The following PAFAH1B3 variants were observed in gnomAD, a reference collection of about 807,000 sequenced individuals.
PAFAH1B3 encodes platelet activating factor acetylhydrolase 1b catalytic subunit 3, also known as platelet-activating factor acetylhydrolase IB subunit alpha1.
In PAFAH1B3, 15 loss-of-function variants were observed where a neutral mutation model predicts 24.4. The ratio of observed to expected loss-of-function variants is 0.62; its 90% CI spans 0.41 to 0.95. PAFAH1B3 has a LOEUF of 0.95. PAFAH1B3 is among the 40% of genes least tolerant of loss of function. The pLI, the probability that PAFAH1B3 is intolerant of heterozygous loss-of-function variation, is 0.00. For synonymous variants in PAFAH1B3, 144 were observed against 126.5 expected, an observed-to-expected ratio of 1.14 and a Z score of -0.93; for missense variants, 266 against 312.2, an observed-to-expected ratio of 0.85 and a Z score of 1.12.
intron 4 of PAFAH1B3, 149 bp downstream of exon 4, chr19:42,299,821 T>G (rs1484025415): frequency 2.0e-6 from 2 of 1,007,584 alleles, no homozygotes; most frequent in Non-Finnish European, 3.0e-6. Flanking sequence ...CCACAGCCAC[T>G]CTGAAGGGTA....
intron 2 of PAFAH1B3, 147 bp from the exon 3 acceptor site, chr19:42,300,434 GCAAA>G: frequency 1.5e-6 from 1 of 647,178 alleles, no homozygotes; most frequent in Non-Finnish European, 2.8e-6. Context: ...TTTACCTGGA[GCAAA>G]CTCCAGCATG....
chr19:42,297,475 T>C (rs2038548266), intron 4 of PAFAH1B3, 110 bp from the exon 5 acceptor site: 1 of 457,648 alleles, frequency 2.2e-6, no homozygotes, highest in Non-Finnish European at 3.8e-6. Context: ...CAGAAAACAC[T>C]AGGGATGGGC....
chr19:42,300,179 G>T lies in PAFAH1B3; in HGVS notation c.277C>A (p.Arg93=). ...RLENGELEHI[R]PKIVVVWVGT... Reference sequence around the variant, plus strand: ...ACCCAAGCCCCGCTCACCTTGGGCCGGATGTGTTCCAGCTCCCCATTCTCC... The same window carrying T: ...ACCCAAGCCCCGCTCACCTTGGGCCTGATGTGTTCCAGCTCCCCATTCTCC... Residue 93 remains arginine, a synonymous_variant, in exon 3 of 5, where the codon CGG becomes AGG. Transcript: ENST00000262890. The T allele has an allele frequency of 6.2e-7, 1 of 1,614,196 alleles. No individual in the cohort carries two copies. Among genetic ancestry groups the T allele is most frequent in the Non-Finnish European group, 8.5e-7 (1 of 1,180,034 alleles).
At chr19:42,299,748 C>G (rs929642265) in intron 4 of PAFAH1B3, among the ~76,000 whole-genome samples, 4 of 152,030 alleles carry the variant, frequency 2.6e-5, no homozygotes, top group African/African-American at 9.7e-5. Context: ...TTTTTCAATA[C>G]CCCCAAAGTC....
Position 42,297,243 on chromosome 19 carries a change from GC to G in PAFAH1B3, c.530del (p.Gly177AlafsTer20). The stretch of plus-strand genomic sequence containing the variant: ...TGATGGTGCCATCTGAGTGCACAAA[GC>G]CAGGGTCGGCATCTAGGAAGTGGGC... ...PRAHFLDADP[G>X]FVHSDGTISH... On this transcript the variant is annotated frameshift_variant, in exon 5 of 5. Coordinates refer to ENST00000262890, the MANE Select transcript of PAFAH1B3 (RefSeq NM_002573.4). LOFTEE classifies it high-confidence loss of function. The G allele has an allele frequency of 6.2e-7, 1 of 1,614,140 alleles. No homozygotes were observed. Among genetic ancestry groups the G allele is most frequent in the Non-Finnish European group, 8.5e-7 (1 of 1,180,030 alleles).
intron 1 of PAFAH1B3, 33 bp downstream of exon 1, chr19:42,302,199 G>C (rs1345549280): frequency 6.4e-7 from 1 of 1,557,506 alleles, no homozygotes; most frequent in Non-Finnish European, 8.7e-7. Flanking sequence ...CCGCGCCCCC[G>C]GACTCCTCAA....
chr19:42,302,337 GCGAGTCGGGT>G lies in PAFAH1B3; in HGVS notation c.-38_-29del. ...TGGCGCCGCAGCTCCTGCAGGATGAGCGAGTCGGGTCGGCCCGGGAGTGTTCCGAACGGAG... is the reference window on the plus strand; with the variant it reads ...TGGCGCCGCAGCTCCTGCAGGATGAGCGGCCCGGGAGTGTTCCGAACGGAG... On this transcript the variant is annotated 5_prime_UTR_variant, in exon 1 of 5. Transcript: ENST00000262890. The G allele has an allele frequency of 6.4e-7, 1 of 1,573,318 alleles. No homozygotes were observed. Among genetic ancestry groups the G allele is most frequent in the Non-Finnish European group, 8.6e-7 (1 of 1,161,590 alleles).
Position 42,299,267 on chromosome 19 carries a change from C to T in PAFAH1B3, c.408+703G>A, listed in dbSNP as rs865905091. Among the ~76,000 whole-genome samples the T allele has an allele frequency of 8.5e-5, 13 of 152,224 alleles. No homozygotes were observed. In the Middle Eastern group the frequency reaches 0.017, roughly 199 times the overall value. ...AAGTAGCTGGGATTATAGGCATGTG[C>T]CACCACGCCCAGCTAATTTTGTATT... On this transcript the variant is annotated intron_variant, in intron 4 of 4. Coordinates refer to ENST00000262890, the MANE Select transcript of PAFAH1B3 (RefSeq NM_002573.4).
intron 4 of PAFAH1B3, among the ~76,000 whole-genome samples, chr19:42,298,122 T>C (rs904586934): frequency 2.6e-5 from 4 of 152,012 alleles, no homozygotes; most frequent in Non-Finnish European, 4.4e-5. Flanking sequence ...ACTTGAGCCC[T>C]GGAAGCAGAA....
rs1043818 is a variant in PAFAH1B3, at chr19:42,297,134, G to A, written c.640C>T (p.Arg214Cys). Residue 214 changes from arginine (R) to cysteine (C), a missense_variant, in exon 5 of 5, where the codon CGT becomes TGT. Coordinates refer to ENST00000262890, the MANE Select transcript of PAFAH1B3 (RefSeq NM_002573.4). Reference sequence around the variant, plus strand: ...TGGCCCTGGTCTTGGGCCAGCAGACGCAGAAGCAGGGAGTGCAGAGCCCGG... The same window carrying A: ...TGGCCCTGGTCTTGGGCCAGCAGACACAGAAGCAGGGAGTGCAGAGCCCGG... ...VCRALHSLLL[R>C]LLAQDQGQGA... The A allele has an allele frequency of 1.3e-5, 21 of 1,612,438 alleles. No homozygotes were observed. Among genetic ancestry groups the A allele is most frequent in the East Asian group, 1.1e-4 (5 of 44,826 alleles).
chr19:42,297,498 TG>T lies in PAFAH1B3; in HGVS notation c.409-134del. ...ACTAGGGATGGGCAAGTGGGGAGGGTGGGAGGGTAGTTCCTAAATATCACAT... is the reference window on the plus strand; with the variant it reads ...ACTAGGGATGGGCAAGTGGGGAGGGTGGAGGGTAGTTCCTAAATATCACAT... On this transcript the variant is annotated intron_variant, in intron 4 of 4. Coordinates refer to ENST00000262890, the MANE Select transcript of PAFAH1B3 (RefSeq NM_002573.4). 2 of 91,332 alleles carry T rather than the reference TG, an allele frequency of 2.2e-5. 1 individual carries two copies. The allele number at this position is 91,332 out of a possible 1,614,324, so 5.7% of individuals were successfully genotyped here.
Position 42,301,822 on chromosome 19 carries a change from C to G in PAFAH1B3, c.168+128G>C, listed in dbSNP as rs183338384. On this transcript the variant is annotated intron_variant, in intron 2 of 4. Transcript: ENST00000262890. ...ATGTTGCACCTTACACCAAGATTCT[C>G]AGAGCCTCGGGCTGCCTGAGGCCAA... The G allele has an allele frequency of 6.8e-5, 45 of 666,580 alleles. No individual in the cohort carries two copies. The African/African-American group carries it at 6.8e-4, about 10-fold the overall frequency. 41.3% of individuals were successfully genotyped at this position (666,580 alleles called of 1,614,324 possible).
chr19:42,299,928 G>A (rs912749892), intron 4 of PAFAH1B3, 42 bp downstream of exon 4: 2 of 1,611,326 alleles, frequency 1.2e-6, no homozygotes, highest in African/African-American at 2.7e-5. Flanking sequence ...GGGGGTCCCA[G>A]ACCACTGCCA....
intron 2 of PAFAH1B3, among the ~76,000 whole-genome samples, chr19:42,300,750 C>A (rs1471046275): frequency 6.6e-6 from 1 of 152,164 alleles, no homozygotes. Flanking sequence ...AACTCCTGAC[C>A]TCAGGTGATC....
At chr19:42,299,503 C>A (rs1416057421) in intron 4 of PAFAH1B3, among the ~76,000 whole-genome samples, 1 of 152,030 alleles carries the variant, frequency 6.6e-6, no homozygotes, top group Non-Finnish European at 1.5e-5. Context: ...CAGCTTACTG[C>A]AAGCTCCGCC....
At chr19:42,297,785 G>C (rs2038559963) in intron 4 of PAFAH1B3, among the ~76,000 whole-genome samples, 1 of 151,906 alleles carries the variant, frequency 6.6e-6, no homozygotes, top group South Asian at 2.1e-4. Flanking sequence ...GTGTTAGCCA[G>C]GATGGTCTCG....
chr19:42,301,710 T>C (rs2038630318), intron 2 of PAFAH1B3, among the ~76,000 whole-genome samples: 1 of 152,248 alleles, frequency 6.6e-6, no homozygotes, highest in South Asian at 2.1e-4. Flanking sequence ...GGCAAGCCTA[T>C]GGCAGGAAAG....
intron 4 of PAFAH1B3, among the ~76,000 whole-genome samples, chr19:42,297,875 G>A (rs1476221702): frequency 6.6e-6 from 1 of 151,914 alleles, no homozygotes; most frequent in Non-Finnish European, 1.5e-5. Flanking sequence ...GCGCGGCCTA[G>A]CCTCTTTCCA....
chr19:42,297,501 G>C, intron 4 of PAFAH1B3, 136 bp from the exon 5 acceptor site: 1 of 346,054 alleles, frequency 2.9e-6, no homozygotes, highest in South Asian at 2.3e-5. Flanking sequence ...GGGAGGGTGG[G>C]AGGGTAGTTC....
Sources: allele counts gnomAD v4.1 joint callset (sites outside exome capture counted in the v4.1 genomes callset), GRCh38; gene constraint gnomAD v4.1.1; transcripts MANE v1.5; gene names NCBI Gene and HGNC (gene_info 2026-07-23, HGNC 2026-07-21).